BDP1: variants seen among roughly 807,000 people sequenced by gnomAD.
BDP1 encodes the protein transcription factor TFIIIB component B'' homolog.
Under a neutral mutation model 266.6 loss-of-function variants are expected in BDP1, and 169 were observed. That is an observed-to-expected ratio of 0.63 (90% confidence interval 0.56 to 0.72). BDP1 has a LOEUF of 0.72. Ranked by LOEUF, BDP1 falls within the 30% of genes least tolerant of loss-of-function variation. BDP1 has a pLI of 0.00. For synonymous variants in BDP1, 1,090 were observed against 1,022.4 expected (o/e 1.07, Z -1.26); for missense variants, 3,015 against 3,053.8 (o/e 0.99, Z 0.30).
chr5:71,483,793 T>A (rs1402567619), intron 7 of BDP1, 49 bp from the exon 8 acceptor site: 1 of 1,394,212 alleles, frequency 7.2e-7, no homozygotes, highest in Non-Finnish European at 1.0e-6. Context: ...TAAAAAAAAA[T>A]GCTTGTTTTA....
chr5:71,532,979 G>A (rs1284762779), intron 26 of BDP1, among the ~76,000 whole-genome samples: 2 of 152,092 alleles, frequency 1.3e-5, no homozygotes, highest in African/African-American at 4.8e-5. Flanking sequence ...TTTGCCTTCT[G>A]TCTTTATAGA....
chr5:71,464,223 C>T (rs1390375118), intron 4 of BDP1, 106 bp downstream of exon 4: 5 of 693,054 alleles, frequency 7.2e-6, no homozygotes, highest in Non-Finnish European at 1.2e-5. Context: ...GGGTTGGGCA[C>T]AGTGGTTCAC....
chr5:71,463,500 G>A (rs1005956536), intron 3 of BDP1, among the ~76,000 whole-genome samples: 1 of 152,120 alleles, frequency 6.6e-6, no homozygotes, highest in African/African-American at 2.4e-5. Context: ...GGGATTGGGA[G>A]CCTCCTTTCA....
Position 71,564,806 on chromosome 5 carries a change from G to A in BDP1, c.7796G>A (p.Arg2599Gln), listed in dbSNP as rs184583431. ...GAAGGATATAAAAGTGCCCAAAAGCGGGCCCCTCAAGGGGAGGCAACCACA... is the reference window on the plus strand; with the variant it reads ...GAAGGATATAAAAGTGCCCAAAAGCAGGCCCCTCAAGGGGAGGCAACCACA... ...LKEGYKSAQK[R>Q]APQGEATTVS... Residue 2599 changes from arginine to glutamine, a missense_variant, in exon 39 of 39, where the codon CGG (arginine) becomes CAG (glutamine). Physicochemically the swap from Arg to Gln is conservative, Grantham distance 43. Around this residue, in one of 3 missense-constraint regions of BDP1, gnomAD observed 629 missense variants for 632.5 expected, o/e 0.99. Transcript: ENST00000358731. The A allele has an allele frequency of 1.6e-4, 258 of 1,611,294 alleles. No individual in the cohort carries two copies. The highest frequency in any genetic ancestry group is 1.2e-3 in the Admixed American group (71 of 59,880).
intron 7 of BDP1, among the ~76,000 whole-genome samples, chr5:71,470,729 A>G (rs1209786129): frequency 6.6e-6 from 1 of 151,674 alleles, no homozygotes; most frequent in Non-Finnish European, 1.5e-5. Flanking sequence ...CTGGTATTAC[A>G]GGCACCTGCC....
chr5:71,576,371 C>T, the BDP1 span, among the ~76,000 whole-genome samples: 1 of 152,224 alleles, frequency 6.6e-6, no homozygotes, highest in Non-Finnish European at 1.5e-5. Context: ...GGAAGGACTT[C>T]CTTTGTGTGT....
chr5:71,465,999 C>T (rs1186999283), intron 4 of BDP1, 97 bp from the exon 5 acceptor site: 1 of 1,293,742 alleles, frequency 7.7e-7, no homozygotes, highest in Non-Finnish European at 1.1e-6. Flanking sequence ...TTGGAAATAG[C>T]TAGAAGGTTG....
At chr5:71,506,786 A>AACACACACACACACAC (rs70992971) in intron 16 of BDP1, among the ~76,000 whole-genome samples, 137 of 64,420 alleles carry the variant, frequency 2.1e-3, no homozygotes, top group South Asian at 0.018. Context: ...ATATATTTGA[A>AACACACACACACACAC]ACACACACAC....
chr5:71,559,181 T>G (rs746098329), intron 36 of BDP1, among the ~76,000 whole-genome samples: 1 of 152,098 alleles, frequency 6.6e-6, no homozygotes, highest in Admixed American at 6.6e-5. Flanking sequence ...AAAACTCTTA[T>G]AATGTTAATA....
intron 7 of BDP1, among the ~76,000 whole-genome samples, chr5:71,479,896 CAT>C (rs1310442390): frequency 1.3e-5 from 2 of 151,356 alleles, no homozygotes; most frequent in Admixed American, 1.3e-4. Context: ...TTTCTCATGT[CAT>C]GTGGGTTTTA....
chr5:71,541,273 C>G (rs1173665598), intron 28 of BDP1, among the ~76,000 whole-genome samples, 181 bp from the exon 29 acceptor site: 1 of 152,098 alleles, frequency 6.6e-6, no homozygotes, highest in East Asian at 1.9e-4. Context: ...ATAGGGAGAT[C>G]ATAAATTTAC....
At chr5:71,537,010 C>A (rs1414986937) in intron 26 of BDP1, among the ~76,000 whole-genome samples, 3 of 151,960 alleles carry the variant, frequency 2.0e-5, no homozygotes, top group Non-Finnish European at 4.4e-5. Flanking sequence ...TGTCTGTAAT[C>A]CCAGTTACTT....
At position 71,539,660 on chromosome 5, in the gene BDP1, A is replaced by C; in HGVS notation, c.6022+11A>C. The C allele has an allele frequency of 1.9e-6, 3 of 1,573,848 alleles. No homozygotes were observed. The highest frequency in any genetic ancestry group is 2.6e-6 in the Non-Finnish European group (3 of 1,149,734). Reference sequence around the variant, plus strand: ...GTGAACAGGGTGATGGTAAGAATGAAAGCTAAGTCCTATCAAAAATAGAAA... The same window carrying C: ...GTGAACAGGGTGATGGTAAGAATGACAGCTAAGTCCTATCAAAAATAGAAA... On this transcript the variant is annotated intron_variant, in intron 28 of 38. Coordinates refer to ENST00000358731, the MANE Select transcript of BDP1 (RefSeq NM_018429.3).
Position 71,567,024 on chromosome 5 carries a change from G to A in BDP1, c.*2139G>A, listed in dbSNP as rs1477038245. The A allele has an allele frequency of 6.6e-6, 1 of 152,134 alleles. No individual in the cohort carries two copies. The highest frequency in any genetic ancestry group is 1.5e-5 in the Non-Finnish European group (1 of 68,026). 9.4% of individuals were successfully genotyped at this position (152,134 alleles called of 1,614,324 possible). A position where few individuals can be genotyped will look rare whatever the true frequency, so the allele number is the denominator to read the frequency against. ...AGTGAAATTTATGGCGTAACACTTT[G>A]TCAGAGAGGAGGCTATATAATTCGG... is the stretch of plus-strand genomic sequence containing the variant. On this transcript the variant is annotated 3_prime_UTR_variant, in exon 39 of 39. Transcript: ENST00000358731.
rs763210617 is a variant in BDP1 at position 71,517,314 on chromosome 5, C to G, written c.4861-8C>G. On this transcript the variant is annotated splice_polypyrimidine_tract_variant and splice_region_variant and intron_variant, in intron 21 of 38. Transcript: ENST00000358731. ...AAATAACATACTAATATGATTTTGT[C>G]TTTTCAGTCAAATTCTCAAATTGAA... The G allele has an allele frequency of 6.3e-7, 1 of 1,592,818 alleles. No homozygotes were observed. Among genetic ancestry groups the G allele is most frequent in the South Asian group, 1.2e-5 (1 of 86,590 alleles).
At chr5:71,517,519 G>A in intron 22 of BDP1, 67 bp downstream of exon 22, 1 of 1,339,944 alleles carries the variant, frequency 7.5e-7, no homozygotes, top group Non-Finnish European at 1.0e-6. Flanking sequence ...TTGCATAGTT[G>A]ACTTTATATA....
chr5:71,522,501 G>GAAA lies in BDP1; in HGVS notation c.5193+11_5193+12insAAA. On this transcript the variant is annotated intron_variant, in intron 23 of 38. Coordinates refer to ENST00000358731, the MANE Select transcript of BDP1 (RefSeq NM_018429.3). ...CAGCTCCTTCTAAAAGTAAGTTTGGGCAAAAAAAAAAAAAAAATTTTTTTT... is the reference window on the plus strand; with the variant it reads ...CAGCTCCTTCTAAAAGTAAGTTTGGGAAACAAAAAAAAAAAAAAAATTTTTTTT... 6.8e-7 allele frequency: 1 copy of GAAA among 1,472,204 alleles called. No homozygotes were observed. The highest frequency in any genetic ancestry group is 1.3e-5 in the South Asian group (1 of 76,774). 91.2% of individuals were successfully genotyped at this position (1,472,204 alleles called of 1,614,324 possible).
chr5:71,474,347 C>G (rs1451277757), intron 7 of BDP1, among the ~76,000 whole-genome samples: 1 of 143,590 alleles, frequency 7.0e-6, no homozygotes, highest in African/African-American at 2.6e-5. Context: ...TTTTTTGAGA[C>G]AGTCTTGCTC....
intron 38 of BDP1, 145 bp from the exon 39 acceptor site, chr5:71,564,609 G>A: frequency 1.5e-6 from 1 of 661,162 alleles, no homozygotes; most frequent in Non-Finnish European, 2.4e-6. Flanking sequence ...GTCAGTGATT[G>A]TGAACATATT....
Sources: allele counts gnomAD v4.1 joint callset (sites outside exome capture counted in the v4.1 genomes callset), GRCh38; gene constraint gnomAD v4.1.1; regional missense constraint gnomAD v4.1.1; transcripts MANE v1.5; gene names NCBI Gene and HGNC (gene_info 2026-07-23, HGNC 2026-07-21).